MAP7: variants seen among roughly 807,000 people sequenced by gnomAD.
MAP7 encodes ensconsin.
In MAP7, 52 loss-of-function variants were observed where a neutral mutation model predicts 94.8. The observed-to-expected ratio is 0.55, with a 90% CI of 0.44 to 0.69. MAP7 has a LOEUF of 0.69. MAP7 is among the 30% of genes least tolerant of loss of function. The probability of loss-of-function intolerance (pLI) is 0.00; values close to 1 mark genes in which losing one functional copy is unlikely to be tolerated. For missense variants in MAP7, 940 were observed against 964.6 expected, an observed-to-expected ratio of 0.97 and a Z score of 0.34; for synonymous variants, 350 against 357.0, an observed-to-expected ratio of 0.98 and a Z score of 0.22.
chr6:136,420,632 G>T (rs1212504587), intron 2 of MAP7, among the ~76,000 whole-genome samples: 1 of 152,166 alleles, frequency 6.6e-6, no homozygotes, highest in Non-Finnish European at 1.5e-5. Context: ...ATGGATAAAT[G>T]ACTCAATGAA....
intron 1 of MAP7, among the ~76,000 whole-genome samples, chr6:136,461,948 T>C (rs1562428609): frequency 6.6e-6 from 1 of 152,194 alleles, no homozygotes; most frequent in Non-Finnish European, 1.5e-5. Context: ...CTTTAAGTTT[T>C]AAAAGGCCAA....
chr6:136,446,817 A>G (rs763720080), intron 1 of MAP7, among the ~76,000 whole-genome samples: 3 of 152,242 alleles, frequency 2.0e-5, no homozygotes, highest in Non-Finnish European at 4.4e-5. Context: ...AGACACCCAT[A>G]TTCGAAAAAG....
chr6:136,388,616 A>G (rs1247964174), intron 4 of MAP7, 106 bp from the exon 5 acceptor site: 2 of 836,256 alleles, frequency 2.4e-6, no homozygotes, highest in Non-Finnish European at 4.0e-6. Flanking sequence ...TTCCCACTCT[A>G]CTATTCTTGA....
In MAP7 at chr6:136,362,564, G is replaced by A. The variant is rs757233415; in HGVS notation, c.1412C>T (p.Ala471Val). ...GGCCTCCTCTGGGTCGGTGGTGCCTGCAGAAGTCTTAACAGAAGCACTGGC... is the reference window on the plus strand; with the variant it reads ...GGCCTCCTCTGGGTCGGTGGTGCCTACAGAAGTCTTAACAGAAGCACTGGC... The part of the protein sequence containing the change: ...VNASASVKTS[A>V]GTTDPEEATR... Residue 471 changes from alanine to valine, a missense_variant, in exon 11 of 18, where the codon GCA becomes GTA. Ala to Val is a moderately conservative substitution (Grantham distance 64, BLOSUM62 0). Coordinates refer to ENST00000354570, the MANE Select transcript of MAP7 (RefSeq NM_003980.6). The A allele has an allele frequency of 8.7e-6, 14 of 1,614,124 alleles. No homozygotes were observed. Among genetic ancestry groups the A allele is most frequent in the Non-Finnish European group, 1.2e-5 (14 of 1,180,032 alleles).
intron 3 of MAP7, among the ~76,000 whole-genome samples, chr6:136,395,106 T>C (rs1352499468): frequency 1.9e-4 from 29 of 151,362 alleles, no homozygotes; most frequent in Admixed American, 1.8e-3. Flanking sequence ...TGCTGGGTCA[T>C]CCTGCAGTTC....
intron 2 of MAP7, among the ~76,000 whole-genome samples, chr6:136,420,897 A>G (rs2128768921): frequency 6.6e-6 from 1 of 152,216 alleles, no homozygotes; most frequent in South Asian, 2.1e-4. Flanking sequence ...CTTTATTCTC[A>G]CTGATTCACT....
intron 1 of MAP7, chr6:136,526,666 GAGAA>G: frequency 1.0e-6 from 1 of 985,544 alleles, no homozygotes; most frequent in Non-Finnish European, 1.2e-6. Context: ...AGGATGGGAG[GAGAA>G]AGAGTTTTGC....
In MAP7 at chr6:136,388,381, G is replaced by T; in HGVS notation, c.526+12C>A. 1 of 1,581,040 alleles carries T rather than the reference G, an allele frequency of 6.3e-7. No individual in the cohort carries two copies. The highest frequency in any genetic ancestry group is 8.7e-7 in the Non-Finnish European group (1 of 1,153,558). On this transcript the variant is annotated intron_variant, in intron 5 of 17. Coordinates refer to ENST00000354570, the MANE Select transcript of MAP7 (RefSeq NM_003980.6). Reference sequence around the variant, plus strand: ...AAAATAAAGACTAATTTTCAAAGTGGTCACTGTTTACCTGCACTGTGGATG... The same window carrying T: ...AAAATAAAGACTAATTTTCAAAGTGTTCACTGTTTACCTGCACTGTGGATG...
rs776600556 is a variant in MAP7, at chr6:136,345,881, A to G, written c.2214T>C (p.Asp738=). The change falls in exon 17 of 18, where the codon GAT becomes GAC. Residue 738 remains aspartate, a synonymous_variant. Coordinates refer to ENST00000354570, the MANE Select transcript of MAP7 (RefSeq NM_003980.6). ...CTGCAGTCTGCTGTGTCTGAACACC[A>G]TCTACCTGAGGCAGGGGCCCAAGTG... The part of the protein sequence containing the change: ...EGTLGPLPQV[D]GVQTQQTAEV... The G allele has an allele frequency of 1.2e-6, 2 of 1,614,190 alleles. No homozygotes were observed. Among genetic ancestry groups the G allele is most frequent in the Non-Finnish European group, 1.7e-6 (2 of 1,180,022 alleles).
chr6:136,546,815 CTCATGCA>C (rs1228487420), intron 1 of MAP7, among the ~76,000 whole-genome samples: 5 of 152,150 alleles, frequency 3.3e-5, no homozygotes, highest in Admixed American at 6.5e-5. Flanking sequence ...ATGATTGTTT[CTCATGCA>C]TTGGGAGGCA....
intron 1 of MAP7, among the ~76,000 whole-genome samples, chr6:136,505,847 T>G (rs1175980159): frequency 2.0e-5 from 3 of 152,198 alleles, no homozygotes; most frequent in Non-Finnish European, 2.9e-5. Context: ...TAAGGAATTT[T>G]AAATGTAGTT....
intron 16 of MAP7, among the ~76,000 whole-genome samples, chr6:136,348,011 GCCCC>G (rs58157708): frequency 7.3e-6 from 1 of 136,878 alleles, no homozygotes; most frequent in Admixed American, 7.3e-5. Flanking sequence ...ATGTGCACAT[GCCCC>G]CCCCCCCAAG....
Position 136,540,139 on chromosome 6 carries a change from C to T in MAP7, c.67+10203G>A, listed in dbSNP as rs75119088. Reference sequence around the variant, plus strand: ...GCTGGGCCTTGGGCACAGCAGCATGCGGTGAGGAGAAACAAGAGAGGTGAA... The same window carrying T: ...GCTGGGCCTTGGGCACAGCAGCATGTGGTGAGGAGAAACAAGAGAGGTGAA... On this transcript the variant is annotated intron_variant, in intron 1 of 17. Transcript: ENST00000354570. Among the ~76,000 whole-genome samples, 425 of 152,072 alleles carry T rather than the reference C, an allele frequency of 2.8e-3. 6 individuals carry two copies. The highest frequency in any genetic ancestry group is 0.026 in the East Asian group (136 of 5,178).
intron 6 of MAP7, among the ~76,000 whole-genome samples, chr6:136,382,396 G>A (rs1171184936): frequency 6.6e-6 from 1 of 152,122 alleles, no homozygotes; most frequent in Non-Finnish European, 1.5e-5. Context: ...AGTGCTAAGT[G>A]ACCAACTGCA....
At chr6:136,549,252 C>A (rs1175542568) in intron 1 of MAP7, among the ~76,000 whole-genome samples, 1 of 152,006 alleles carries the variant, frequency 6.6e-6, no homozygotes, top group East Asian at 1.9e-4. Flanking sequence ...CGATTGTGAC[C>A]GTATGGAAGT....
At position 136,366,006 on chromosome 6, in the gene MAP7, C is replaced by G; in HGVS notation, c.1002G>C (p.Lys334Asn). ...PARSRLWLPS[K>N]SLPHLPGTPR... ...GTGTGCCAGGCAAATGAGGAAGAGA[C>G]TTGGACGGAAGCCTGGGCCACAAAC... Residue 334 changes from lysine to asparagine, a missense_variant, in exon 10 of 18, where the codon AAG becomes AAC. Physicochemically the swap from Lys to Asn is moderately conservative, Grantham distance 94 (BLOSUM62 0). Transcript: ENST00000354570. 1.2e-6 allele frequency: 2 copies of G among 1,609,172 alleles called. No individual in the cohort carries two copies. Among genetic ancestry groups the G allele is most frequent in the Non-Finnish European group, 1.7e-6 (2 of 1,178,934 alleles).
chr6:136,406,221 G>T (rs1239407259), intron 3 of MAP7, among the ~76,000 whole-genome samples: 2 of 152,102 alleles, frequency 1.3e-5, no homozygotes, highest in Non-Finnish European at 2.9e-5. Flanking sequence ...CTCAAAGGAT[G>T]GTAACTGATC....
intron 1 of MAP7, among the ~76,000 whole-genome samples, chr6:136,431,528 A>ATTT (rs56035944): frequency 2.4e-4 from 33 of 140,178 alleles, no homozygotes; most frequent in Admixed American, 1.5e-3. Flanking sequence ...TTATTTATTT[A>ATTT]ATTTTTTGAG....
chr6:136,440,468 G>A (rs1273315783), intron 1 of MAP7, among the ~76,000 whole-genome samples: 1 of 152,036 alleles, frequency 6.6e-6, no homozygotes, highest in African/African-American at 2.4e-5. Context: ...CAGAAGTTAT[G>A]TCATCAGTCA....
Sources: gnomAD v4.1 joint callset for allele counts (sites outside exome capture counted in the v4.1 genomes callset) on GRCh38, gnomAD v4.1.1 for gene constraint, MANE v1.5 for transcripts, NCBI Gene and HGNC (gene_info 2026-07-23, HGNC 2026-07-21) for gene names.